The following NEDD4L variants were observed in gnomAD, a reference collection of about 807,000 sequenced individuals.
NEDD4L encodes the protein NEDD4 like E3 ubiquitin protein ligase.
Under a neutral mutation model 148.9 loss-of-function variants are expected in NEDD4L, and 54 were observed. The ratio of observed to expected loss-of-function variants is 0.36; its 90% CI spans 0.29 to 0.45. The LOEUF (loss-of-function observed/expected upper bound fraction) is 0.45, where lower values mean the gene tolerates loss of function less well. Among genes scored for constraint, NEDD4L ranks in the 20% least tolerant of loss-of-function variants. The pLI is 1.00. For missense variants in NEDD4L, 856 were observed against 1,233.8 expected, an observed-to-expected ratio of 0.69 and a Z score of 4.59; for synonymous variants, 433 against 440.7, an observed-to-expected ratio of 0.98 and a Z score of 0.22.
intron 6 of NEDD4L, among the ~76,000 whole-genome samples, chr18:58,318,651 T>G (rs1366746152): frequency 6.6e-6 from 1 of 152,260 alleles, no homozygotes; most frequent in Non-Finnish European, 1.5e-5. Flanking sequence ...TTAAATTCAG[T>G]GCATCGTTGT....
chr18:58,319,605 G>A (rs184117297), intron 6 of NEDD4L, among the ~76,000 whole-genome samples: 6 of 152,336 alleles, frequency 3.9e-5, no homozygotes, highest in Admixed American at 2.0e-4. Flanking sequence ...TCCACCAGGA[G>A]CACCCTCAAA....
rs1568277245 is a variant in NEDD4L, at chr18:58,142,998, CT to C, written c.49-22789del. Among the ~76,000 whole-genome samples the C allele has an allele frequency of 1.2e-4, 18 of 152,296 alleles. 1 individual carries two copies. In the South Asian group the frequency reaches 3.7e-3, roughly 32 times the overall value. On this transcript the variant is annotated intron_variant, in intron 1 of 30. Transcript: ENST00000400345. ...TGGATCAGTGTTGAACCTGTCCCAC[CT>C]GTGGGGAAGAGGCAGCATGCGGAGC...
At position 58,118,653 on chromosome 18, in the gene NEDD4L, G is replaced by A. The variant is rs181541745; in HGVS notation, c.49-47135G>A. 1.3e-3 allele frequency among the ~76,000 whole-genome samples: 192 copies of A among 152,116 alleles called. 1 individual carries two copies. The highest frequency in any genetic ancestry group is 2.4e-3 in the Non-Finnish European group (163 of 67,980). On this transcript the variant is annotated intron_variant, in intron 1 of 30. Transcript: ENST00000400345. ...CTGTGTGTGTGTGGCGGGGTGGTGG[G>A]GGCGGTGTTGCCAAATCTTTTGCAC... is the stretch of plus-strand genomic sequence containing the variant.
At chr18:58,197,019 C>T (rs994246509) in intron 2 of NEDD4L, among the ~76,000 whole-genome samples, 8 of 152,162 alleles carry the variant, frequency 5.3e-5, no homozygotes, top group South Asian at 2.1e-4. Flanking sequence ...AAAACCGTGG[C>T]GGTCGGTAAT....
chr18:58,214,950 T>C (rs1272035596), intron 2 of NEDD4L, among the ~76,000 whole-genome samples: 3 of 151,926 alleles, frequency 2.0e-5, no homozygotes, highest in Admixed American at 1.3e-4. Flanking sequence ...TAGCTGGGAC[T>C]ATAGGCATGC....
At chr18:58,210,942 C>T (rs2042545754) in intron 2 of NEDD4L, among the ~76,000 whole-genome samples, 1 of 152,168 alleles carries the variant, frequency 6.6e-6, no homozygotes, top group African/African-American at 2.4e-5. Flanking sequence ...GTTAGAAACT[C>T]ATCACTATCA....
chr18:58,159,391 T>C (rs1004936357), intron 1 of NEDD4L, among the ~76,000 whole-genome samples: 21 of 152,050 alleles, frequency 1.4e-4, no homozygotes, highest in Non-Finnish European at 4.4e-5. Flanking sequence ...AGGTAAACGA[T>C]GGGCTTCGGG....
chr18:58,280,184 T>G lies in NEDD4L; in HGVS notation c.297+28130T>G, dbSNP rs187008880. Among the ~76,000 whole-genome samples the G allele has an allele frequency of 5.3e-5, 8 of 152,218 alleles. No homozygotes were observed. The East Asian group carries it at 1.5e-3, about 29-fold the overall frequency. ...CGGCCTCCTGAGCAGCCACTGCACG[T>G]GGCTGCATCGCTTTTAAAGGTAGAT... On this transcript the variant is annotated intron_variant, in intron 5 of 30. Transcript: ENST00000400345.
intron 1 of NEDD4L, among the ~76,000 whole-genome samples, chr18:58,062,276 T>C (rs2082367849): frequency 6.6e-6 from 1 of 152,116 alleles, no homozygotes; most frequent in Non-Finnish European, 1.5e-5. Flanking sequence ...GAGGTCTCTG[T>C]ACTTCACCTG....
chr18:58,163,057 C>G (rs1350091118), intron 1 of NEDD4L, among the ~76,000 whole-genome samples: 2 of 138,278 alleles, frequency 1.4e-5, no homozygotes, highest in East Asian at 4.2e-4. Context: ...GAGTAAGACT[C>G]TGTCTCAAAA....
intron 1 of NEDD4L, among the ~76,000 whole-genome samples, chr18:58,072,611 A>G (rs1440075088): frequency 6.6e-6 from 1 of 152,246 alleles, no homozygotes; most frequent in African/African-American, 2.4e-5. Flanking sequence ...AAAAACTCAC[A>G]GTTAACATCA....
chr18:58,321,898 A>G (rs1413172738), intron 6 of NEDD4L, among the ~76,000 whole-genome samples: 5 of 152,228 alleles, frequency 3.3e-5, no homozygotes, highest in South Asian at 2.1e-4. Flanking sequence ...TCATAGCTTC[A>G]TGAACTGAAC....
chr18:58,097,975 G>A (rs2084524734), intron 1 of NEDD4L, among the ~76,000 whole-genome samples: 1 of 152,220 alleles, frequency 6.6e-6, no homozygotes, highest in Non-Finnish European at 1.5e-5. Flanking sequence ...GCTACAGTGA[G>A]CCATGATCAC....
chr18:58,322,416 T>TC lies in NEDD4L; in HGVS notation c.349-5dup, dbSNP rs2058879547. On this transcript the variant is annotated splice_polypyrimidine_tract_variant and intron_variant, in intron 6 of 30. Coordinates refer to ENST00000400345, the MANE Select transcript of NEDD4L (RefSeq NM_001144967.3). The stretch of plus-strand genomic sequence containing the variant: ...TATTAAAATTTAATTTACTGTTTTT[T>TC]CCCCACAGACAGAAGATCCAACCAT... 6.8e-7 allele frequency: 1 copy of TC among 1,469,678 alleles called. No individual in the cohort carries two copies. The highest frequency in any genetic ancestry group is 9.2e-7 in the Non-Finnish European group (1 of 1,084,366). 91.0% of individuals were successfully genotyped at this position (1,469,678 alleles called of 1,614,324 possible).
intron 2 of NEDD4L, among the ~76,000 whole-genome samples, chr18:58,212,341 A>G (rs927642189): frequency 2.0e-5 from 3 of 152,154 alleles, no homozygotes; most frequent in Non-Finnish European, 2.9e-5. Flanking sequence ...TAGAAAGGAA[A>G]GAGGTTTCAC....
At chr18:58,058,075 A>C (rs756913344) in intron 1 of NEDD4L, among the ~76,000 whole-genome samples, 3 of 152,198 alleles carry the variant, frequency 2.0e-5, no homozygotes, top group Non-Finnish European at 4.4e-5. Context: ...TGGGAGGCTG[A>C]GGCAGGTGGA....
intron 1 of NEDD4L, among the ~76,000 whole-genome samples, chr18:58,128,431 A>G (rs1598971898): frequency 6.6e-6 from 1 of 152,160 alleles, no homozygotes. Flanking sequence ...GCTGGCTGGG[A>G]ATTGGTATGT....
intron 1 of NEDD4L, among the ~76,000 whole-genome samples, chr18:58,142,287 A>G (rs2033635483): frequency 6.6e-6 from 1 of 151,700 alleles, no homozygotes; most frequent in Non-Finnish European, 1.5e-5. Context: ...TGACATCGTG[A>G]TCCACCTGCC....
chr18:58,293,690 C>A (rs1191541825), intron 5 of NEDD4L, among the ~76,000 whole-genome samples: 2 of 152,190 alleles, frequency 1.3e-5, no homozygotes, highest in African/African-American at 4.8e-5. Flanking sequence ...ATAATGGGTT[C>A]TCATGAGTTG....
Sources: allele counts gnomAD v4.1 joint callset (sites outside exome capture counted in the v4.1 genomes callset), GRCh38; gene constraint gnomAD v4.1.1; transcripts MANE v1.5; gene names NCBI Gene and HGNC (gene_info 2026-07-23, HGNC 2026-07-21).